Variants in GRIK2 observed in about 807,000 individuals in gnomAD.
GRIK2 encodes the protein glutamate receptor ionotropic, kainate 2.
A neutral mutation model predicts 100.3 loss-of-function variants in GRIK2; 32 were observed. The observed-to-expected ratio is 0.32, with a 90% CI of 0.24 to 0.43. The LOEUF (loss-of-function observed/expected upper bound fraction) is 0.43. Among genes scored for constraint, GRIK2 ranks in the 20% least tolerant of loss-of-function variants. The pLI, the probability that GRIK2 is intolerant of heterozygous loss-of-function variation, is 1.00. For missense variants in GRIK2, 843 were observed against 1,114.9 expected (o/e 0.76, Z 3.47); for synonymous variants, 417 against 389.4 (o/e 1.07, Z -0.83).
intron 2 of GRIK2, among the ~76,000 whole-genome samples, chr6:101,486,581 G>T (rs1387736586): frequency 6.6e-6 from 1 of 152,088 alleles, no homozygotes. Flanking sequence ...TGGATGAAGG[G>T]AGACCAAATT....
intron 4 of GRIK2, among the ~76,000 whole-genome samples, chr6:101,635,219 G>A (rs1780947189): frequency 6.6e-6 from 1 of 152,050 alleles, no homozygotes; most frequent in African/African-American, 2.4e-5. Context: ...GCAATTATGA[G>A]TTAAACTTAA....
At chr6:101,737,635 T>G (rs938128686) in intron 7 of GRIK2, among the ~76,000 whole-genome samples, 18 of 152,194 alleles carry the variant, frequency 1.2e-4, no homozygotes, top group Admixed American at 1.1e-3. Flanking sequence ...CAAGATGAGA[T>G]TTGGGTGGGG....
At chr6:101,437,034 A>G (rs897999324) in intron 2 of GRIK2, among the ~76,000 whole-genome samples, 38 of 151,272 alleles carry the variant, frequency 2.5e-4, no homozygotes, top group Non-Finnish European at 5.2e-4. Flanking sequence ...GGATATATAT[A>G]TATATATTTA....
rs193084178 is a variant in GRIK2, at chr6:101,432,677, T to G, written c.115+33285T>G. ...TTAATCTATCTAGGCATTCATCTGC[T>G]TAGGGTGAGAGGAGGGTATGATGAA... On this transcript the variant is annotated intron_variant, in intron 2 of 16. Coordinates refer to ENST00000369134, the MANE Select transcript of GRIK2 (RefSeq NM_021956.5). Among the ~76,000 whole-genome samples, 21 of 152,284 alleles carry G rather than the reference T, an allele frequency of 1.4e-4. 1 individual carries two copies. The highest frequency in any genetic ancestry group is 1.4e-3 in the Admixed American group (21 of 15,296).
chr6:101,844,355 C>T (rs953579016), intron 10 of GRIK2, among the ~76,000 whole-genome samples: 9 of 152,088 alleles, frequency 5.9e-5, no homozygotes, highest in Non-Finnish European at 1.2e-4. Flanking sequence ...AGAATGTTTA[C>T]AGAATTAAGG....
Position 101,818,366 on chromosome 6 carries a change from A to G in GRIK2, c.1204-4A>G, listed in dbSNP as rs763391260. The G allele has an allele frequency of 1.6e-5, 24 of 1,542,948 alleles. No individual in the cohort carries two copies. The highest frequency in any genetic ancestry group is 2.1e-5 in the Non-Finnish European group (23 of 1,115,660). On this transcript the variant is annotated splice_polypyrimidine_tract_variant and splice_region_variant and intron_variant, in intron 9 of 16. Coordinates refer to ENST00000369134, the MANE Select transcript of GRIK2 (RefSeq NM_021956.5). ...ATTTACAAAGTACATATGCTATTTTATAGATTGGAACGTGGGATCCAGCCA... is the reference window on the plus strand; with the variant it reads ...ATTTACAAAGTACATATGCTATTTTGTAGATTGGAACGTGGGATCCAGCCA...
intron 4 of GRIK2, among the ~76,000 whole-genome samples, chr6:101,648,581 T>A: frequency 6.6e-6 from 1 of 152,216 alleles, no homozygotes; most frequent in Middle Eastern, 3.4e-3. Context: ...TGAGCCAACA[T>A]ACCATGCACC....
At chr6:101,811,029 T>C (rs1781295867) in intron 9 of GRIK2, among the ~76,000 whole-genome samples, 1 of 152,142 alleles carries the variant, frequency 6.6e-6, no homozygotes, top group African/African-American at 2.4e-5. Flanking sequence ...TTATGCTTTC[T>C]ATTTCTCAAT....
intron 10 of GRIK2, among the ~76,000 whole-genome samples, chr6:101,836,831 A>G (rs1783153032): frequency 6.6e-6 from 1 of 151,112 alleles, no homozygotes; most frequent in South Asian, 2.1e-4. Flanking sequence ...ACGCCTGGCT[A>G]ATTTTTGTAT....
intron 2 of GRIK2, among the ~76,000 whole-genome samples, chr6:101,549,686 A>T (rs1045334474): frequency 1.3e-5 from 2 of 152,288 alleles, no homozygotes; most frequent in Middle Eastern, 3.4e-3. Context: ...GTAAGAAGAG[A>T]AACTTAGGTA....
At position 101,622,055 on chromosome 6, in the gene GRIK2, T is replaced by C. The variant is rs112817493; in HGVS notation, c.222T>C (p.Thr74=). Residue 74 remains threonine (T), a synonymous_variant, in exon 3 of 17, where the codon ACT becomes ACC. Coordinates refer to ENST00000369134, the MANE Select transcript of GRIK2 (RefSeq NM_021956.5). The part of the protein sequence containing the change: ...INRNRTLLPN[T]TLTYDTQKIN... ...GAAACAGAACATTGCTACCCAATACTACCCTTACCTATGATACCCAGAAGA... is the reference window on the plus strand; with the variant it reads ...GAAACAGAACATTGCTACCCAATACCACCCTTACCTATGATACCCAGAAGA... 11 of 1,601,772 alleles carry C rather than the reference T, an allele frequency of 6.9e-6. No individual in the cohort carries two copies. In the African/African-American group the frequency reaches 1.5e-4, roughly 21 times the overall value.
intron 7 of GRIK2, among the ~76,000 whole-genome samples, chr6:101,788,824 C>G (rs1399340759): frequency 6.6e-6 from 1 of 152,112 alleles, no homozygotes; most frequent in East Asian, 1.9e-4. Context: ...TACAGTCCCA[C>G]CAACAGTGTA....
chr6:101,733,011 C>G (rs1024631024), intron 7 of GRIK2, among the ~76,000 whole-genome samples: 9 of 152,082 alleles, frequency 5.9e-5, no homozygotes, highest in African/African-American at 1.9e-4. Flanking sequence ...TCCAAAGTCC[C>G]TAACTCTACA....
chr6:101,579,474 TTTTCTTTTTCTTTCTCTTTC>T (rs1401833509), intron 2 of GRIK2, among the ~76,000 whole-genome samples: 1 of 150,382 alleles, frequency 6.6e-6, no homozygotes, highest in Non-Finnish European at 1.5e-5. Context: ...TTTCTCTCTT[TTTTCTTTTTCTTTCTCTTTC>T]TTTCTTTTTC....
chr6:101,464,528 T>C (rs1210134161), intron 2 of GRIK2, among the ~76,000 whole-genome samples: 1 of 91,116 alleles, frequency 1.1e-5, no homozygotes. Context: ...TTTTTTTTTT[T>C]TTTTTTTGAG....
At chr6:101,740,404 C>T (rs1432777858) in intron 7 of GRIK2, among the ~76,000 whole-genome samples, 1 of 151,488 alleles carries the variant, frequency 6.6e-6, no homozygotes, top group Non-Finnish European at 1.5e-5. Context: ...ATTATTTATA[C>T]CCAATAACAG....
chr6:101,803,929 C>G (rs1780826641), intron 9 of GRIK2, among the ~76,000 whole-genome samples: 1 of 151,694 alleles, frequency 6.6e-6, no homozygotes, highest in East Asian at 1.9e-4. Flanking sequence ...TCAGGTTGCT[C>G]TGAGATTTCA....
chr6:101,937,522 CA>C (rs1425236495), intron 14 of GRIK2, among the ~76,000 whole-genome samples: 4 of 151,846 alleles, frequency 2.6e-5, no homozygotes, highest in Admixed American at 6.6e-5. Flanking sequence ...ATTTTGGATG[CA>C]AAAAATAGGC....
intron 12 of GRIK2, among the ~76,000 whole-genome samples, chr6:101,904,075 T>C (rs1003091859): frequency 1.9e-4 from 29 of 151,618 alleles, no homozygotes; most frequent in African/African-American, 6.3e-4. Flanking sequence ...CTTTTTTTTT[T>C]CTCTGTTAAT....
Sources: gnomAD v4.1 joint callset for allele counts (sites outside exome capture counted in the v4.1 genomes callset) on GRCh38, gnomAD v4.1.1 for gene constraint, MANE v1.5 for transcripts, NCBI Gene and HGNC (gene_info 2026-07-23, HGNC 2026-07-21) for gene names.